The following ERBB2 variants were observed in gnomAD, a reference collection of about 807,000 sequenced individuals.
ERBB2 encodes erb-b2 receptor tyrosine kinase 2, also known as receptor tyrosine-protein kinase erbB-2.
In ERBB2, 61 loss-of-function variants were observed where a neutral mutation model predicts 149.0. The ratio of observed to expected loss-of-function variants is 0.41; its 90% CI spans 0.33 to 0.51. ERBB2 has a LOEUF of 0.51. ERBB2 is among the 20% of genes least tolerant of loss of function. The pLI is 0.25. For missense variants in ERBB2, 1,205 were observed against 1,655.1 expected (o/e 0.73, Z 4.72); for synonymous variants, 633 against 678.8 (o/e 0.93, Z 1.05).
chr17:39,694,258 T>TATATATGTGTATATATATATATATAC (rs2057797001), upstream of ERBB2, among the ~76,000 whole-genome samples: 1 of 19,046 alleles, frequency 5.3e-5, no homozygotes, highest in African/African-American at 1.2e-4. Context: ...TATATATATA[T>TATATATGTGTATATATATATATATAC]ATATATATAT....
At chr17:39,691,557 A>AAAAAAAAAAAAG (rs67129110), upstream of ERBB2, among the ~76,000 whole-genome samples, 8 of 58,380 alleles carry the variant, frequency 1.4e-4, no homozygotes, top group African/African-American at 4.5e-4. Flanking sequence ...AAAAAAAAAA[A>AAAAAAAAAAAAG]TATATATATA....
chr17:39,698,115 A>G (rs754259980), upstream of ERBB2, among the ~76,000 whole-genome samples: 19 of 152,204 alleles, frequency 1.2e-4, no homozygotes, highest in Non-Finnish European at 2.5e-4. Flanking sequence ...TTATGTGCCA[A>G]GTATTGCGCT....
chr17:39,700,030 GGAA>G (rs1040044772), upstream of ERBB2: 57 of 1,268,042 alleles, frequency 4.5e-5, no homozygotes, highest in African/African-American at 8.2e-4. Flanking sequence ...GGCTGCTTGA[GGAA>G]GTATAAGAAT....
In ERBB2 at chr17:39,705,943, C is replaced by T. The variant is rs561937720; in HGVS notation, c.74-1047C>T. Among the ~76,000 whole-genome samples the T allele has an allele frequency of 1.1e-4, 16 of 152,326 alleles. No individual in the cohort carries two copies. In the South Asian group the frequency reaches 3.1e-3, roughly 30 times the overall value. ...CCCTTCCGATCTCCTGGGCAAGACACGCCAGGTGATTCATCTCACCAGAGC... is the reference window on the plus strand; with the variant it reads ...CCCTTCCGATCTCCTGGGCAAGACATGCCAGGTGATTCATCTCACCAGAGC... On this transcript the variant is annotated intron_variant, in intron 1 of 26. Transcript: ENST00000269571.
chr17:39,707,184 G>C (rs2145413972), intron 2 of ERBB2, 43 bp downstream of exon 2: 1 of 1,491,038 alleles, frequency 6.7e-7, no homozygotes, highest in Non-Finnish European at 9.0e-7. Flanking sequence ...CCTCCAGCTG[G>C]GCTGAGCCCT....
At chr17:39,697,354 G>GTTTTTTTTTTTT (rs60262818), upstream of ERBB2, among the ~76,000 whole-genome samples, 3 of 122,138 alleles carry the variant, frequency 2.5e-5, no homozygotes, top group Admixed American at 8.2e-5. Flanking sequence ...TTTTTGTTTT[G>GTTTTTTTTTTTT]TTTTTTTTTT....
chr17:39,707,731 G>T (rs1258770726), intron 2 of ERBB2: 1 of 153,228 alleles, frequency 6.5e-6, no homozygotes, highest in Non-Finnish European at 1.5e-5. Flanking sequence ...GGGTGCGATG[G>T]CTCATGCCTG....
upstream of ERBB2, among the ~76,000 whole-genome samples, chr17:39,694,210 A>T (rs2057776661): frequency 2.0e-5 from 1 of 50,900 alleles, no homozygotes; most frequent in African/African-American, 9.9e-5. Flanking sequence ...AAAAAAAAAA[A>T]AAAAAAAAAA....
chr17:39,727,924 C>G lies in ERBB2; in HGVS notation c.3648C>G (p.Ala1216=), dbSNP rs1457230134. ...QPHPPPAFSP[A]FDNLYYWDQD... Reference sequence around the variant, plus strand: ...ACCCTCCTCCTGCCTTCAGCCCAGCCTTCGACAACCTCTATTACTGGGACC... The same window carrying G: ...ACCCTCCTCCTGCCTTCAGCCCAGCGTTCGACAACCTCTATTACTGGGACC... Residue 1216 remains alanine (A), a synonymous_variant, in exon 27 of 27, where the codon GCC becomes GCG. Coordinates refer to ENST00000269571, the MANE Select transcript of ERBB2 (RefSeq NM_004448.4). This position sits in a 1 kb window ranked among gnomAD's most constrained non-coding sequence, Gnocchi z 4.3. The G allele has an allele frequency of 3.1e-6, 5 of 1,614,202 alleles. No individual in the cohort carries two copies. Among genetic ancestry groups the G allele is most frequent in the Non-Finnish European group, 4.2e-6 (5 of 1,180,024 alleles).
chr17:39,707,538 C>T, intron 2 of ERBB2: 1 of 172,460 alleles, frequency 5.8e-6, no homozygotes, highest in Non-Finnish European at 1.2e-5. Flanking sequence ...GCCTACACCC[C>T]CTTAGCTTCA....
Position 39,727,571 on chromosome 17 carries a change from G to A in ERBB2, c.3412+24G>A, listed in dbSNP as rs369448099. ...TGGTATGGAGTCCAGTCTAAGCAGA[G>A]AGACTGATGGGCAGGGGAGGTGGGA... On this transcript the variant is annotated intron_variant, in intron 26 of 26. Coordinates refer to ENST00000269571, the MANE Select transcript of ERBB2 (RefSeq NM_004448.4). This position sits in a 1 kb window ranked among gnomAD's most constrained non-coding sequence, Gnocchi z 4.3. The A allele has an allele frequency of 6.3e-7, 1 of 1,586,756 alleles. No individual in the cohort carries two copies. Among genetic ancestry groups the A allele is most frequent in the Non-Finnish European group, 8.5e-7 (1 of 1,172,966 alleles).
At chr17:39,691,904 T>TAGATATAGATATAGATAC, upstream of ERBB2, among the ~76,000 whole-genome samples, 1 of 114,536 alleles carries the variant, frequency 8.7e-6, no homozygotes, top group South Asian at 2.6e-4. Context: ...GATATAGATA[T>TAGATATAGATATAGATAC]ATATACATAT....
chr17:39,714,342 G>A (rs2058993246), intron 9 of ERBB2, among the ~76,000 whole-genome samples: 1 of 152,156 alleles, frequency 6.6e-6, no homozygotes, highest in Non-Finnish European at 1.5e-5. Context: ...TGGCGGCAAG[G>A]AGAGGCAGCT....
In ERBB2 at chr17:39,716,518, C is replaced by T. The variant is rs763197991; in HGVS notation, c.1650C>T (p.Leu550=). 8 of 1,613,998 alleles carry T rather than the reference C, an allele frequency of 5.0e-6. No individual in the cohort carries two copies. The highest frequency in any genetic ancestry group is 1.6e-4 in the Middle Eastern group (1 of 6,084). Residue 550 remains leucine, a synonymous_variant, in exon 14 of 27, where the codon CTC becomes CTT. Coordinates refer to ENST00000269571, the MANE Select transcript of ERBB2 (RefSeq NM_004448.4). ...CVEECRVLQG[L]PREYVNARHC... ...TCACCACTGTCCCTTCTCTCAGGCT[C>T]CCCAGGGAGTATGTGAATGCCAGGC...
Position 39,727,184 on chromosome 17 carries a change from C to A in ERBB2, c.3160-111C>A. 2 of 1,390,428 alleles carry A rather than the reference C, an allele frequency of 1.4e-6. No individual in the cohort carries two copies. The highest frequency in any genetic ancestry group is 1.0e-6 in the Non-Finnish European group (1 of 1,004,264). The allele number at this position is 1,390,428 out of a possible 1,614,324, so 86.1% of individuals were successfully genotyped here. On this transcript the variant is annotated intron_variant, in intron 25 of 26. Coordinates refer to ENST00000269571, the MANE Select transcript of ERBB2 (RefSeq NM_004448.4). This position sits in a 1 kb window ranked among gnomAD's most constrained non-coding sequence, Gnocchi z 4.3. ...CCCATTCTCTCCACGGTGACTGTGT[C>A]ATACCCCAAAGGTGACCTCTGTTTT...
Position 39,725,587 on chromosome 17 carries a change from T to A in ERBB2, c.2726-120T>A. 1 of 1,274,130 alleles carries A rather than the reference T, an allele frequency of 7.8e-7. No individual in the cohort carries two copies. Among genetic ancestry groups the A allele is most frequent in the Non-Finnish European group, 1.1e-6 (1 of 911,746 alleles). The allele number at this position is 1,274,130 out of a possible 1,614,324, so 78.9% of individuals were successfully genotyped here. A position where few individuals can be genotyped will look rare whatever the true frequency, so the allele number is the denominator to read the frequency against. ...AGGGAAAGACCGGGTAGGGTCTGTC[T>A]CCTGGCATCACATCTCCCCCTGCTA... On this transcript the variant is annotated intron_variant, in intron 22 of 26. Coordinates refer to ENST00000269571, the MANE Select transcript of ERBB2 (RefSeq NM_004448.4). The surrounding 1 kb of genome is among the most constrained non-coding windows in gnomAD (Gnocchi z 4.6).
intron 15 of ERBB2, chr17:39,717,790 AACAC>A (rs67643218): frequency 0.037 from 6,311 of 171,866 alleles, 152 homozygotes; most frequent in Non-Finnish European, 0.053. Context: ...TGCACATTTT[AACAC>A]ACACACACAC....
chr17:39,692,691 C>T (rs1263908520), upstream of ERBB2, among the ~76,000 whole-genome samples: 1 of 152,120 alleles, frequency 6.6e-6, no homozygotes, highest in East Asian at 1.9e-4. Context: ...AGGCGTGAGC[C>T]ACCGTGCCTG....
At position 39,700,066 on chromosome 17, in the gene ERBB2, C is replaced by T. The variant is rs925556698; in HGVS notation, c.-173C>T. On this transcript the variant is annotated 5_prime_UTR_variant, in exon 1 of 27. Coordinates refer to ENST00000269571, the MANE Select transcript of ERBB2 (RefSeq NM_004448.4). Reference sequence around the variant, plus strand: ...AATGAAGTTGTGAAGCTGAGATTCCCCTCCATTGGGACCGGAGAAACCAGG... The same window carrying T: ...AATGAAGTTGTGAAGCTGAGATTCCTCTCCATTGGGACCGGAGAAACCAGG... 1.6e-6 allele frequency: 2 copies of T among 1,269,200 alleles called. No individual in the cohort carries two copies. Among genetic ancestry groups the T allele is most frequent in the Middle Eastern group, 6.0e-4 (2 of 3,316 alleles). The allele number at this position is 1,269,200 out of a possible 1,614,324, so 78.6% of individuals were successfully genotyped here.
Sources: gnomAD v4.1 joint callset for allele counts (sites outside exome capture counted in the v4.1 genomes callset) on GRCh38, gnomAD v4.1.1 for gene constraint, Gnocchi (gnomAD v3.1) non-coding constraint, MANE v1.5 for transcripts, NCBI Gene and HGNC (gene_info 2026-07-23, HGNC 2026-07-21) for gene names.